Variants in TMEM182 observed in about 807,000 individuals in gnomAD.
The protein encoded by TMEM182 is transmembrane protein 182.
TMEM182 carries 20 observed loss-of-function variants against 26.8 expected under a neutral mutation model. The observed-to-expected ratio is 0.75, with a 90% CI of 0.53 to 1.09. The LOEUF is 1.09. TMEM182 is among the 50% of genes least tolerant of loss of function. The pLI is 0.00. For missense variants in TMEM182, 277 were observed against 275.5 expected, an observed-to-expected ratio of 1.01 and a Z score of -0.04; for synonymous variants, 109 against 102.2, an observed-to-expected ratio of 1.07 and a Z score of -0.40.
intron 1 of TMEM182, among the ~76,000 whole-genome samples, chr2:102,750,046 TA>T (rs1235919246): frequency 6.6e-6 from 1 of 152,042 alleles, no homozygotes; most frequent in African/African-American, 2.4e-5. Flanking sequence ...TGTTTTTTTT[TA>T]AATGAAGCAG....
chr2:102,808,052 G>A (rs912010569), intron 4 of TMEM182, among the ~76,000 whole-genome samples: 1 of 152,168 alleles, frequency 6.6e-6, no homozygotes, highest in Non-Finnish European at 1.5e-5. Context: ...CGTAGCATGA[G>A]GGAGCATTGA....
intron 3 of TMEM182, among the ~76,000 whole-genome samples, chr2:102,831,883 T>A (rs1432321506): frequency 6.6e-6 from 1 of 152,212 alleles, no homozygotes; most frequent in African/African-American, 2.4e-5. Context: ...AACCACCAAC[T>A]GATGGCAAAG....
At chr2:102,779,841 A>G (rs183592927) in intron 3 of TMEM182, among the ~76,000 whole-genome samples, 14 of 152,222 alleles carry the variant, frequency 9.2e-5, no homozygotes, top group Admixed American at 3.9e-4. Context: ...TACTAAAAAT[A>G]CAGAAAAGTT....
At chr2:102,771,086 G>A (rs919996360) in intron 3 of TMEM182, among the ~76,000 whole-genome samples, 2 of 152,128 alleles carry the variant, frequency 1.3e-5, no homozygotes, top group African/African-American at 4.8e-5. Context: ...TCTGGACATT[G>A]TCCTAAATAC....
At chr2:102,841,793 G>C (rs1683356468) in intron 3 of TMEM182, among the ~76,000 whole-genome samples, 1 of 152,158 alleles carries the variant, frequency 6.6e-6, no homozygotes, top group South Asian at 2.1e-4. Context: ...TTTTTTCATT[G>C]TGGGAGGTAA....
In TMEM182 at chr2:102,815,855, T is replaced by G; in HGVS notation, c.*887T>G. 1 of 912,630 alleles carries G rather than the reference T, an allele frequency of 1.1e-6. No homozygotes were observed. The allele number at this position is 912,630 out of a possible 1,614,324, so 56.5% of individuals were successfully genotyped here. A position where few individuals can be genotyped will look rare whatever the true frequency, so the allele number is the denominator to read the frequency against. The stretch of plus-strand genomic sequence containing the variant: ...ATTTATTGATAAAATGTGATTTTAA[T>G]ATTTTTTAGATATAAACTTTCAACG... On this transcript the variant is annotated 3_prime_UTR_variant, in exon 5 of 5. Coordinates refer to ENST00000412401, the MANE Select transcript of TMEM182 (RefSeq NM_144632.5).
At chr2:102,821,929 A>G (rs1447121338), downstream of TMEM182, among the ~76,000 whole-genome samples, 2 of 151,390 alleles carry the variant, frequency 1.3e-5, no homozygotes, top group African/African-American at 4.9e-5. Flanking sequence ...CAGAGCTTGC[A>G]GTGAGCTGAG....
In TMEM182 at chr2:102,763,443, T is replaced by C. The variant is rs145216572; in HGVS notation, c.232+757T>C. 5.3e-4 allele frequency among the ~76,000 whole-genome samples: 80 copies of C among 152,320 alleles called. No individual in the cohort carries two copies. The East Asian group carries it at 0.015, about 28-fold the overall frequency. On this transcript the variant is annotated intron_variant, in intron 2 of 4. Coordinates refer to ENST00000412401, the MANE Select transcript of TMEM182 (RefSeq NM_144632.5). ...TAAAGCTTATTGAGAATTGAAATTA[T>C]TAGTCTTCTTATCAAAAATCAAAGT... is the stretch of plus-strand genomic sequence containing the variant.
At chr2:102,800,778 C>T (rs186382018) in intron 4 of TMEM182, among the ~76,000 whole-genome samples, 10 of 140,064 alleles carry the variant, frequency 7.1e-5, no homozygotes, top group East Asian at 6.4e-4. Flanking sequence ...TCCTGGTTTT[C>T]GTTCTGGTTT....
chr2:102,824,043 A>G (rs1002068405), intron 3 of TMEM182, among the ~76,000 whole-genome samples: 1 of 152,240 alleles, frequency 6.6e-6, no homozygotes. Flanking sequence ...AGATTCAGAA[A>G]GAGGGTTTTA....
intron 3 of TMEM182, 37 bp downstream of exon 3, chr2:102,764,464 GTCTTA>G: frequency 1.3e-6 from 2 of 1,570,472 alleles, no homozygotes; most frequent in Non-Finnish European, 1.7e-6. Flanking sequence ...TTCTAAAAGG[GTCTTA>G]TCTTTCTGAA....
At chr2:102,751,813 C>T (rs1286859796) in intron 1 of TMEM182, among the ~76,000 whole-genome samples, 2 of 152,102 alleles carry the variant, frequency 1.3e-5, no homozygotes, top group Non-Finnish European at 2.9e-5. Context: ...GCTAGAGGTG[C>T]ATGCCACCAT....
chr2:102,838,075 A>T (rs1362425939), intron 3 of TMEM182, among the ~76,000 whole-genome samples: 6 of 152,220 alleles, frequency 3.9e-5, no homozygotes, highest in Non-Finnish European at 8.8e-5. Flanking sequence ...CCCCAGCATC[A>T]GTGGATGATT....
intron 3 of TMEM182, among the ~76,000 whole-genome samples, chr2:102,837,446 A>T (rs567926334): frequency 1.3e-5 from 2 of 151,442 alleles, no homozygotes; most frequent in Non-Finnish European, 2.9e-5. Context: ...CTGTTAGAAA[A>T]TTCAATATGG....
At chr2:102,739,182 G>A (rs1308363406) in intron 1 of TMEM182, among the ~76,000 whole-genome samples, 1 of 152,174 alleles carries the variant, frequency 6.6e-6, no homozygotes, top group Non-Finnish European at 1.5e-5. Flanking sequence ...CTTAAACTCA[G>A]AAGACAAGGT....
chr2:102,746,250 C>T (rs1573483659), intron 1 of TMEM182, among the ~76,000 whole-genome samples: 1 of 152,032 alleles, frequency 6.6e-6, no homozygotes, highest in East Asian at 1.9e-4. Flanking sequence ...GGAGAAATAC[C>T]AGTGTAGATA....
At chr2:102,742,906 C>A (rs1033569500) in intron 1 of TMEM182, among the ~76,000 whole-genome samples, 3 of 151,994 alleles carry the variant, frequency 2.0e-5, no homozygotes, top group Non-Finnish European at 4.4e-5. Context: ...TTAGCCATGC[C>A]TTTCAAAAAA....
chr2:102,744,929 G>A lies in TMEM182; in HGVS notation c.-83+7916G>A, dbSNP rs146034231. Among the ~76,000 whole-genome samples the A allele has an allele frequency of 9.2e-4, 140 of 152,192 alleles. 1 individual carries two copies. Among genetic ancestry groups the A allele is most frequent in the African/African-American group, 3.2e-3 (131 of 41,554 alleles). ...CTACTTGGTATTCTCTGCATTTCCTGTCTCTGTCATTTGATGTCTATCTAT... is the reference window on the plus strand; with the variant it reads ...CTACTTGGTATTCTCTGCATTTCCTATCTCTGTCATTTGATGTCTATCTAT... On this transcript the variant is annotated intron_variant, in intron 1 of 5. Transcript: ENST00000409173.
intron 3 of TMEM182, among the ~76,000 whole-genome samples, chr2:102,792,710 A>G (rs1160440152): frequency 6.6e-6 from 1 of 152,218 alleles, no homozygotes; most frequent in Non-Finnish European, 1.5e-5. Context: ...AACAAAGCAC[A>G]TGGTGACGGC....
Sources: gnomAD v4.1 joint callset for allele counts (sites outside exome capture counted in the v4.1 genomes callset) on GRCh38, gnomAD v4.1.1 for gene constraint, MANE v1.5 for transcripts, NCBI Gene and HGNC (gene_info 2026-07-23, HGNC 2026-07-21) for gene names.